The following IL17RD variants were observed in gnomAD, a reference collection of about 807,000 sequenced individuals.
IL17RD encodes the protein interleukin 17 receptor D.
Under a neutral mutation model 80.5 loss-of-function variants are expected in IL17RD, and 52 were observed. The observed-to-expected ratio is 0.65, with a 90% CI of 0.52 to 0.81. The LOEUF (loss-of-function observed/expected upper bound fraction) is 0.81, where lower values mean the gene tolerates loss of function less well. IL17RD is among the 40% of genes least tolerant of loss of function. The pLI, the probability that IL17RD is intolerant of heterozygous loss-of-function variation, is 0.00. For synonymous variants in IL17RD, 416 were observed against 391.8 expected (o/e 1.06, Z -0.73); for missense variants, 1,024 against 955.1 (o/e 1.07, Z -0.95).
At chr3:57,138,495 C>T (rs1261022121) in intron 1 of IL17RD, among the ~76,000 whole-genome samples, 1 of 151,988 alleles carries the variant, frequency 6.6e-6, no homozygotes, top group Non-Finnish European at 1.5e-5. Context: ...TGATGAGGAT[C>T]AAAGGACAGG....
chr3:57,128,314 G>T (rs898769284), intron 1 of IL17RD, among the ~76,000 whole-genome samples: 4 of 152,244 alleles, frequency 2.6e-5, no homozygotes, highest in South Asian at 2.1e-4. Context: ...CCAGAGCACC[G>T]CCTGTGCACC....
Position 57,109,677 on chromosome 3 carries a change from C to G in IL17RD, c.430-20G>C, listed in dbSNP as rs777417379. On this transcript the variant is annotated intron_variant, in intron 4 of 12. Coordinates refer to ENST00000296318, the MANE Select transcript of IL17RD (RefSeq NM_017563.5). The stretch of plus-strand genomic sequence containing the variant: ...CATTCCCTAAAAGGGAACAAAAACA[C>G]AGTGACATCATGGAGAAATTACCCA... 1.2e-6 allele frequency: 2 copies of G among 1,608,204 alleles called. No homozygotes were observed. The highest frequency in any genetic ancestry group is 1.7e-6 in the Non-Finnish European group (2 of 1,177,662).
intron 5 of IL17RD, among the ~76,000 whole-genome samples, chr3:57,108,808 G>A (rs1378989057): frequency 1.3e-5 from 2 of 150,532 alleles, no homozygotes; most frequent in Non-Finnish European, 3.0e-5. Flanking sequence ...GAGCCACCGC[G>A]CCTGGCCATC....
intron 5 of IL17RD, 130 bp from the exon 6 acceptor site, chr3:57,106,284 A>C: frequency 1.5e-6 from 1 of 662,568 alleles, no homozygotes; most frequent in East Asian, 2.7e-5. Context: ...ACATCAATTC[A>C]ATGAGGATTT....
intron 8 of IL17RD, 26 bp from the exon 9 acceptor site, chr3:57,103,171 T>C (rs1472737482): frequency 1.3e-6 from 2 of 1,482,478 alleles, no homozygotes; most frequent in Middle Eastern, 1.8e-4. Flanking sequence ...TGCTGCATTA[T>C]TTTTTTTTAA....
chr3:57,105,652 C>T (rs1706945014), intron 7 of IL17RD, among the ~76,000 whole-genome samples: 1 of 150,952 alleles, frequency 6.6e-6, no homozygotes, highest in East Asian at 1.9e-4. Context: ...ATATCACCAC[C>T]AGGACAGCTG....
chr3:57,140,058 T>C (rs942145400), intron 1 of IL17RD, among the ~76,000 whole-genome samples: 1 of 152,106 alleles, frequency 6.6e-6, no homozygotes, highest in Non-Finnish European at 1.5e-5. Context: ...TAGTTCACTG[T>C]CAGGCTTCTG....
intron 3 of IL17RD, 48 bp downstream of exon 3, chr3:57,114,644 C>A: frequency 6.5e-7 from 1 of 1,543,424 alleles, no homozygotes; most frequent in Non-Finnish European, 8.7e-7. Flanking sequence ...TTGCACTGGG[C>A]CCTATCCACC....
At chr3:57,134,080 C>T in intron 1 of IL17RD, 1 of 460,148 alleles carries the variant, frequency 2.2e-6, no homozygotes, top group South Asian at 2.4e-5. Context: ...TCTGGCTAAA[C>T]TGACTTTAAA....
intron 1 of IL17RD, among the ~76,000 whole-genome samples, chr3:57,136,514 A>G (rs767839194): frequency 2.2e-4 from 33 of 152,126 alleles, no homozygotes; most frequent in Non-Finnish European, 4.1e-4. Flanking sequence ...ATACGCCTGT[A>G]GTCCCAGCTG....
chr3:57,166,834 C>G (rs1411147349), upstream of IL17RD, among the ~76,000 whole-genome samples: 1 of 152,130 alleles, frequency 6.6e-6, no homozygotes, highest in East Asian at 1.9e-4. Flanking sequence ...ACTCTCCTTC[C>G]AGGGCCCAGA....
In IL17RD at chr3:57,164,527, G is replaced by A. The variant is rs190208186; in HGVS notation, c.126+634C>T. ...ATCCGCAACTCGAAGCAGGGAAGGA[G>A]GATATCAGCCGCGAGACCTTCACAA... is the stretch of plus-strand genomic sequence containing the variant. On this transcript the variant is annotated intron_variant, in intron 1 of 12. Transcript: ENST00000296318. Among the ~76,000 whole-genome samples the A allele has an allele frequency of 1.7e-4, 26 of 152,320 alleles. No individual in the cohort carries two copies. In the East Asian group the frequency reaches 3.7e-3, roughly 22 times the overall value.
intron 1 of IL17RD, among the ~76,000 whole-genome samples, chr3:57,122,123 G>A (rs1400023483): frequency 6.6e-6 from 1 of 152,178 alleles, no homozygotes; most frequent in African/African-American, 2.4e-5. Flanking sequence ...AAGGGTGAAA[G>A]AGCCTGGCAT....
upstream of IL17RD, among the ~76,000 whole-genome samples, chr3:57,168,748 C>G (rs2060358131): frequency 6.6e-6 from 1 of 152,094 alleles, no homozygotes; most frequent in Non-Finnish European, 1.5e-5. Flanking sequence ...CGGAGTTTTG[C>G]CCTTGTTGCC....
chr3:57,096,627 G>T, intron 12 of IL17RD, 122 bp from the exon 13 acceptor site: 1 of 714,472 alleles, frequency 1.4e-6, no homozygotes. Context: ...AACGAGGCAA[G>T]AATCCCAACC....
At chr3:57,108,744 G>C (rs916708790) in intron 5 of IL17RD, among the ~76,000 whole-genome samples, 4 of 150,616 alleles carry the variant, frequency 2.7e-5, no homozygotes, top group Non-Finnish European at 5.9e-5. Context: ...TCGAACTACT[G>C]ACCTCAGGTG....
At position 57,108,741 on chromosome 3, in the gene IL17RD, A is replaced by C. The variant is rs367736516; in HGVS notation, c.550+796T>G. Among the ~76,000 whole-genome samples, 55 of 151,044 alleles carry C rather than the reference A, an allele frequency of 3.6e-4. No individual in the cohort carries two copies. The South Asian group carries it at 6.7e-3, about 18-fold the overall frequency. On this transcript the variant is annotated intron_variant, in intron 5 of 12. Transcript: ENST00000296318. ...ATATTTTTCAGGCTGGTCTCGAACTACTGACCTCAGGTGATTCACCCATCT... is the reference window on the plus strand; with the variant it reads ...ATATTTTTCAGGCTGGTCTCGAACTCCTGACCTCAGGTGATTCACCCATCT...
At chr3:57,103,957 A>C (rs1706894424) in intron 8 of IL17RD, among the ~76,000 whole-genome samples, 1 of 152,214 alleles carries the variant, frequency 6.6e-6, no homozygotes, top group African/African-American at 2.4e-5. Flanking sequence ...TCATTTATAC[A>C]TACATAGAAG....
At chr3:57,161,185 T>C (rs2060302268) in intron 1 of IL17RD, among the ~76,000 whole-genome samples, 1 of 152,228 alleles carries the variant, frequency 6.6e-6, no homozygotes, top group South Asian at 2.1e-4. Context: ...GACTGAGTAA[T>C]TTTTTAACCA....
Sources: allele counts gnomAD v4.1 joint callset (sites outside exome capture counted in the v4.1 genomes callset), GRCh38; gene constraint gnomAD v4.1.1; transcripts MANE v1.5; gene names NCBI Gene and HGNC (gene_info 2026-07-23, HGNC 2026-07-21).